The following DLGAP2 variants were observed in gnomAD, a reference collection of about 807,000 sequenced individuals.
DLGAP2 encodes DLG associated protein 2.
Under a neutral mutation model 100.3 loss-of-function variants are expected in DLGAP2, and 26 were observed. The ratio of observed to expected loss-of-function variants is 0.26; its 90% CI spans 0.19 to 0.36. The LOEUF (loss-of-function observed/expected upper bound fraction) is 0.36. DLGAP2 is among the 10% of genes least tolerant of loss of function. The probability of loss-of-function intolerance (pLI) is 1.00; values close to 1 mark genes in which losing one functional copy is unlikely to be tolerated. For missense variants in DLGAP2, 1,858 were observed against 1,453.2 expected (o/e 1.28, Z -4.53); for synonymous variants, 886 against 630.1 (o/e 1.41, Z -6.08).
At chr8:1,445,110 T>TG (rs1462660967) in intron 3 of DLGAP2, among the ~76,000 whole-genome samples, 2 of 149,516 alleles carry the variant, frequency 1.3e-5, no homozygotes, top group African/African-American at 5.0e-5. Context: ...TATTATACTC[T>TG]AAGTTTTAGG....
intron 2 of DLGAP2, among the ~76,000 whole-genome samples, chr8:1,174,250 C>G (rs889522746): frequency 6.6e-6 from 1 of 152,006 alleles, no homozygotes; most frequent in Non-Finnish European, 1.5e-5. Flanking sequence ...ATAAGTCTAC[C>G]CACATACCCA....
chr8:1,249,420 C>G (rs538232497), intron 2 of DLGAP2, among the ~76,000 whole-genome samples: 6 of 152,250 alleles, frequency 3.9e-5, no homozygotes, highest in Admixed American at 3.3e-4. Flanking sequence ...ACTACTGAGG[C>G]CTAAATACAA....
chr8:1,638,974 G>C (rs947396333), intron 8 of DLGAP2, among the ~76,000 whole-genome samples: 1 of 152,210 alleles, frequency 6.6e-6, no homozygotes, highest in African/African-American at 2.4e-5. Context: ...AGAAGGGATG[G>C]CCAGTACAAC....
intron 3 of DLGAP2, among the ~76,000 whole-genome samples, chr8:1,280,199 G>A (rs1440488681): frequency 6.6e-6 from 1 of 152,062 alleles, no homozygotes; most frequent in Non-Finnish European, 1.5e-5. Context: ...ATGCCTCTGG[G>A]GTTTCTTCTT....
intron 3 of DLGAP2, among the ~76,000 whole-genome samples, chr8:1,449,282 C>T (rs1362270692): frequency 6.6e-6 from 1 of 152,162 alleles, no homozygotes; most frequent in African/African-American, 2.4e-5. Flanking sequence ...GGTAATTGTT[C>T]TGAGACAGGG....
intron 2 of DLGAP2, among the ~76,000 whole-genome samples, chr8:1,053,583 A>G (rs1802786563): frequency 6.6e-6 from 1 of 152,112 alleles, no homozygotes; most frequent in Non-Finnish European, 1.5e-5. Flanking sequence ...CTGACACAGA[A>G]ACACACCAAG....
At chr8:908,262 G>T (rs1710504405) in intron 2 of DLGAP2, among the ~76,000 whole-genome samples, 1 of 152,170 alleles carries the variant, frequency 6.6e-6, no homozygotes, top group African/African-American at 2.4e-5. Flanking sequence ...ACTTGAGTTT[G>T]TTGGTTTCAA....
intron 3 of DLGAP2, among the ~76,000 whole-genome samples, chr8:1,467,318 C>A (rs1436117330): frequency 6.6e-6 from 1 of 151,982 alleles, no homozygotes; most frequent in Non-Finnish European, 1.5e-5. Flanking sequence ...TCCTGCAGTC[C>A]CTGTTCCTCA....
chr8:1,263,780 G>A (rs1014382447), intron 3 of DLGAP2, among the ~76,000 whole-genome samples: 5 of 152,126 alleles, frequency 3.3e-5, no homozygotes, highest in African/African-American at 9.7e-5. Flanking sequence ...TGTGGAGAGG[G>A]AGGGCACCAC....
chr8:737,706 C>A lies in DLGAP2; in HGVS notation c.-102C>A. On this transcript the variant is annotated 5_prime_UTR_variant, in exon 1 of 15. Transcript: ENST00000637795. ...GGCGAACGGACGGACGGACCGCGGA[C>A]GGACGTACTGACCCCAACCCGCGAG... is the stretch of plus-strand genomic sequence containing the variant. The A allele has an allele frequency of 2.7e-6, 1 of 371,568 alleles. No homozygotes were observed. Among genetic ancestry groups the A allele is most frequent in the East Asian group, 3.9e-5 (1 of 25,828 alleles). 23.0% of individuals were successfully genotyped at this position (371,568 alleles called of 1,614,324 possible).
intron 3 of DLGAP2, among the ~76,000 whole-genome samples, chr8:1,352,309 C>T (rs943344887): frequency 6.7e-6 from 1 of 148,622 alleles, no homozygotes; most frequent in Non-Finnish European, 1.5e-5. Flanking sequence ...TGTGGAAAGG[C>T]CGTGCGGGTC....
intron 3 of DLGAP2, among the ~76,000 whole-genome samples, chr8:1,408,331 C>A (rs985669340): frequency 1.3e-5 from 2 of 152,236 alleles, no homozygotes; most frequent in Non-Finnish European, 2.9e-5. Context: ...GAGGGTTTCC[C>A]CTTCCCTCGG....
chr8:1,233,153 C>G (rs1798572515), intron 2 of DLGAP2, among the ~76,000 whole-genome samples: 1 of 152,188 alleles, frequency 6.6e-6, no homozygotes, highest in African/African-American at 2.4e-5. Context: ...AAATGACATT[C>G]CATTGTTTGG....
chr8:1,558,978 C>T (rs1802069826), intron 5 of DLGAP2, among the ~76,000 whole-genome samples: 1 of 152,180 alleles, frequency 6.6e-6, no homozygotes, highest in Non-Finnish European at 1.5e-5. Context: ...CCAGTGCCTC[C>T]AAGAGAATAT....
intron 1 of DLGAP2, chr8:822,020 T>G (rs1224164155): frequency 5.0e-6 from 2 of 397,636 alleles, no homozygotes; most frequent in Non-Finnish European, 8.9e-6. Flanking sequence ...TACATTCCAT[T>G]TTTTTCCCCA....
intron 10 of DLGAP2, among the ~76,000 whole-genome samples, chr8:1,675,992 G>A (rs568421100): frequency 1.2e-4 from 18 of 152,280 alleles, no homozygotes; most frequent in South Asian, 2.1e-4. Context: ...CTGATCTGAC[G>A]TCACCCTGCT....
In DLGAP2 at chr8:970,338, A is replaced by T. The variant is rs559731289; in HGVS notation, c.73+62372A>T. Among the ~76,000 whole-genome samples, 736 of 152,312 alleles carry T rather than the reference A, an allele frequency of 4.8e-3. 6 individuals carry two copies. The highest frequency in any genetic ancestry group is 0.017 in the African/African-American group (705 of 41,554). On this transcript the variant is annotated intron_variant, in intron 2 of 14. Transcript: ENST00000637795. Reference sequence around the variant, plus strand: ...TAAGGATGTTATATATTTTATTTTTAAAAAATTGTGTGCAACTCATTTTTT... The same window carrying T: ...TAAGGATGTTATATATTTTATTTTTTAAAAATTGTGTGCAACTCATTTTTT...
intron 4 of DLGAP2, among the ~76,000 whole-genome samples, chr8:1,503,878 G>C (rs1165452287): frequency 1.3e-5 from 2 of 152,142 alleles, no homozygotes; most frequent in Non-Finnish European, 2.9e-5. Flanking sequence ...TCTTGGGGTG[G>C]TACGTGGGTG....
At chr8:1,271,440 CATTTGTTG>C (rs1304542325) in intron 3 of DLGAP2, among the ~76,000 whole-genome samples, 1 of 152,254 alleles carries the variant, frequency 6.6e-6, no homozygotes. Flanking sequence ...CCTCCTTGTG[CATTTGTTG>C]ATTATTCACT....
Sources: allele counts gnomAD v4.1 joint callset (sites outside exome capture counted in the v4.1 genomes callset), GRCh38; gene constraint gnomAD v4.1.1; transcripts MANE v1.5; gene names NCBI Gene and HGNC (gene_info 2026-07-23, HGNC 2026-07-21).